Variants in NCAPD2 observed in about 807,000 individuals in gnomAD.
NCAPD2 encodes the protein non-SMC condensin I complex subunit D2.
NCAPD2 carries 100 observed loss-of-function variants against 164.5 expected under a neutral mutation model. The ratio of observed to expected loss-of-function variants is 0.61; its 90% CI spans 0.52 to 0.72. The LOEUF (loss-of-function observed/expected upper bound fraction) is 0.72, where lower values mean the gene tolerates loss of function less well. Among genes scored for constraint, NCAPD2 ranks in the 30% least tolerant of loss-of-function variants. The pLI is 0.00. For missense variants in NCAPD2, 1,560 were observed against 1,749.2 expected, an observed-to-expected ratio of 0.89 and a Z score of 1.93; for synonymous variants, 585 against 642.6, an observed-to-expected ratio of 0.91 and a Z score of 1.36.
chr12:6,512,189 G>A (rs1022527509), intron 6 of NCAPD2, among the ~76,000 whole-genome samples: 6 of 150,426 alleles, frequency 4.0e-5, no homozygotes, highest in East Asian at 2.0e-4. Context: ...GGAGAATGGC[G>A]TGAACCCGGG....
At chr12:6,503,220 T>C (rs1268035286) in intron 2 of NCAPD2, among the ~76,000 whole-genome samples, 1 of 152,080 alleles carries the variant, frequency 6.6e-6, no homozygotes, top group Non-Finnish European at 1.5e-5. Context: ...GAAGTGAATA[T>C]GTGATACAAG....
At chr12:6,529,137 T>C in intron 27 of NCAPD2, 98 bp downstream of exon 27, 1 of 1,106,402 alleles carries the variant, frequency 9.0e-7, no homozygotes. Context: ...ACTCTTTAGC[T>C]GTACAGCCTT....
intron 14 of NCAPD2, among the ~76,000 whole-genome samples, chr12:6,521,476 G>A (rs963785164): frequency 1.3e-5 from 2 of 152,186 alleles, no homozygotes; most frequent in East Asian, 3.9e-4. Flanking sequence ...GAGCCCAGGA[G>A]TTGAAAATCA....
rs141419478 is a variant in NCAPD2, at chr12:6,506,405, C to T, written c.128-3312C>T. On this transcript the variant is annotated intron_variant, in intron 2 of 31. Coordinates refer to ENST00000315579, the MANE Select transcript of NCAPD2 (RefSeq NM_014865.4). ...AGATCGAGACCATCCTGGCTAACAC[C>T]GTGAAACCCCGTCTCTACTAAAAAA... Among the ~76,000 whole-genome samples, 152 of 151,944 alleles carry T rather than the reference C, an allele frequency of 1.0e-3. 1 individual carries two copies. Among genetic ancestry groups the T allele is most frequent in the African/African-American group, 3.3e-3 (135 of 41,444 alleles).
At chr12:6,517,282 G>T in intron 10 of NCAPD2, 83 bp from the exon 11 acceptor site, 1 of 1,559,032 alleles carries the variant, frequency 6.4e-7, no homozygotes, top group Non-Finnish European at 8.7e-7. Context: ...GGGTAGCTCA[G>T]TTTAGAGTAT....
rs371444456 is a variant in NCAPD2, at chr12:6,528,796, C to T, written c.3417C>T (p.Ile1139=). Residue 1139 remains isoleucine (I), a synonymous_variant, in exon 26 of 32, where the codon ATC becomes ATT. Transcript: ENST00000315579. The surrounding 1 kb of genome is among the most constrained non-coding windows in gnomAD (Gnocchi z 5.1). The stretch of plus-strand genomic sequence containing the variant: ...TCAGCGAGATGGCGGTGCTGCTCAT[C>T]GACCCCGAGCCTCAGATTGCTGCCC... The part of the protein sequence containing the change: ...GQVSEMAVLL[I]DPEPQIAALA... The T allele has an allele frequency of 1.2e-5, 20 of 1,613,962 alleles. No homozygotes were observed. In the African/African-American group the frequency reaches 1.7e-4, roughly 14 times the overall value.
intron 17 of NCAPD2, among the ~76,000 whole-genome samples, chr12:6,523,787 T>C (rs1224283318): frequency 6.6e-6 from 1 of 152,226 alleles, no homozygotes; most frequent in African/African-American, 2.4e-5. Context: ...TTCCCAACTT[T>C]AAAGGAACCA....
chr12:6,521,777 T>C, intron 14 of NCAPD2, 21 bp from the exon 15 acceptor site: 3 of 1,612,866 alleles, frequency 1.9e-6, no homozygotes, highest in Non-Finnish European at 2.5e-6. Flanking sequence ...GAAACCATCC[T>C]GTACTTCTCT....
chr12:6,529,879 A>T lies in NCAPD2; in HGVS notation c.3758A>T (p.Lys1253Ile), dbSNP rs746660180. 1.9e-5 allele frequency: 30 copies of T among 1,614,132 alleles called. No individual in the cohort carries two copies. In the South Asian group the frequency reaches 2.5e-4, roughly 14 times the overall value. ...MLDNFDCFGD[K>I]LSDESIFSAF... Reference sequence around the variant, plus strand: ...GACAATTTTGACTGTTTTGGAGACAAACTGTCAGATGAGTCCATCTTCAGT... The same window carrying T: ...GACAATTTTGACTGTTTTGGAGACATACTGTCAGATGAGTCCATCTTCAGT... The change falls in exon 29 of 32, where the codon AAA becomes ATA. Residue 1253 changes from lysine to isoleucine, a missense_variant. Physicochemically the swap from Lys to Ile is moderately radical, Grantham distance 102. Coordinates refer to ENST00000315579, the MANE Select transcript of NCAPD2 (RefSeq NM_014865.4).
In NCAPD2 at chr12:6,531,307, T is replaced by A; in HGVS notation, c.4121-20T>A. On this transcript the variant is annotated intron_variant, in intron 31 of 31. Coordinates refer to ENST00000315579, the MANE Select transcript of NCAPD2 (RefSeq NM_014865.4). The surrounding 1 kb of genome is among the most constrained non-coding windows in gnomAD (Gnocchi z 4.1). ...TCTTTGTGACTCAGCTTTTTCTTATTCCTTTAATTCTTTGCATAGATCTTT... is the reference window on the plus strand; with the variant it reads ...TCTTTGTGACTCAGCTTTTTCTTATACCTTTAATTCTTTGCATAGATCTTT... The A allele has an allele frequency of 6.2e-7, 1 of 1,606,168 alleles. No individual in the cohort carries two copies. The highest frequency in any genetic ancestry group is 8.5e-7 in the Non-Finnish European group (1 of 1,176,166).
In NCAPD2 at chr12:6,528,840, A is replaced by G. The variant is rs199672478; in HGVS notation, c.3461A>G (p.Asn1154Ser). The G allele has an allele frequency of 1.9e-5, 30 of 1,613,648 alleles. No homozygotes were observed. The highest frequency in any genetic ancestry group is 1.6e-4 in the Middle Eastern group (1 of 6,062). Reference protein sequence around the residue: ...QIAALAKNFFNELSHKGNAIY... With the variant: ...QIAALAKNFFSELSHKGNAIY... ...GCTGCCCTGGCCAAGAACTTCTTCA[A>G]TGAGCTCTCCCACAAGGTGAGAGGC... is the stretch of plus-strand genomic sequence containing the variant. The change falls in exon 26 of 32, where the codon AAT becomes AGT. Residue 1154 changes from asparagine (N) to serine (S), a missense_variant. Asn to Ser is a conservative substitution (Grantham distance 46, BLOSUM62 1). Transcript: ENST00000315579. This position sits in a 1 kb window ranked among gnomAD's most constrained non-coding sequence, Gnocchi z 5.1.
chr12:6,528,619 A>G lies in NCAPD2; in HGVS notation c.3300-60A>G. 1 of 1,537,806 alleles carries G rather than the reference A, an allele frequency of 6.5e-7. No individual in the cohort carries two copies. The highest frequency in any genetic ancestry group is 8.9e-7 in the Non-Finnish European group (1 of 1,126,940). ...TTGATTCCTGCTGAGGGCCTTTTCT[A>G]CCAGTGTTAGGGTGTAGCCCGGAGG... On this transcript the variant is annotated intron_variant, in intron 25 of 31. Coordinates refer to ENST00000315579, the MANE Select transcript of NCAPD2 (RefSeq NM_014865.4). The surrounding 1 kb of genome is among the most constrained non-coding windows in gnomAD (Gnocchi z 5.1).
chr12:6,518,812 C>T (rs1447169570), intron 13 of NCAPD2, among the ~76,000 whole-genome samples: 2 of 151,788 alleles, frequency 1.3e-5, no homozygotes, highest in Non-Finnish European at 2.9e-5. Flanking sequence ...TGAGCCACCG[C>T]ACTCGGCTGC....
chr12:6,511,064 C>CA, intron 5 of NCAPD2, 46 bp from the exon 6 acceptor site: 1 of 1,602,556 alleles, frequency 6.2e-7, no homozygotes. Flanking sequence ...TCTTGACCCA[C>CA]TTTTTTCCCT....
In NCAPD2 at chr12:6,514,614, A is replaced by G. The variant is rs373852925; in HGVS notation, c.839+27A>G. ...TGACTCTTCCTTCTCGAAGTTTCTC[A>G]TGCTTATTTTCCTTGGGGAGGGAAT... is the stretch of plus-strand genomic sequence containing the variant. On this transcript the variant is annotated intron_variant, in intron 8 of 31. Coordinates refer to ENST00000315579, the MANE Select transcript of NCAPD2 (RefSeq NM_014865.4). 1.6e-5 allele frequency: 26 copies of G among 1,613,588 alleles called. No individual in the cohort carries two copies. In the African/African-American group the frequency reaches 3.1e-4, roughly 19 times the overall value.
Position 6,495,018 on chromosome 12 carries a change from C to A in NCAPD2, c.-23-58C>A. On this transcript the variant is annotated intron_variant, in intron 1 of 31. Transcript: ENST00000315579. ...GTTGGGGATGGGAAAGTAATAGAAC[C>A]AGATACGAAGACAGGTCTTGAATAT... The A allele has an allele frequency of 1.9e-6, 3 of 1,541,484 alleles. No homozygotes were observed. In the East Asian group the frequency reaches 6.8e-5, roughly 35 times the overall value.
chr12:6,499,389 G>T lies in NCAPD2; in HGVS notation c.127+4164G>T, dbSNP rs570670453. On this transcript the variant is annotated intron_variant, in intron 2 of 31. Transcript: ENST00000315579. ...ACCACGCCTGGCTAATTCTTGGGGG[G>T]TTTTTTTGTTGTTCTGGAGACGGAG... 1.5e-4 allele frequency among the ~76,000 whole-genome samples: 23 copies of T among 151,618 alleles called. 1 individual carries two copies. In the Middle Eastern group the frequency reaches 0.014, roughly 90 times the overall value.
At position 6,530,817 on chromosome 12, in the gene NCAPD2, G is replaced by A. The variant is rs200487459; in HGVS notation, c.3964G>A (p.Gly1322Ser). The change falls in exon 30 of 32, where the codon GGT becomes AGT. Residue 1322 changes from glycine to serine, a missense_variant and splice_region_variant. Coordinates refer to ENST00000315579, the MANE Select transcript of NCAPD2 (RefSeq NM_014865.4). ...GCCATCAGCCAAGAAACCATCCACT[G>A]GTACGTAAGGCAGCCTGTGCGGGCG... ...RAPSAKKPST[G>S]SRYQPLASTA... 3.7e-4 allele frequency: 590 copies of A among 1,614,164 alleles called. No individual in the cohort carries two copies. Among genetic ancestry groups the A allele is most frequent in the Non-Finnish European group, 2.6e-4 (310 of 1,180,036 alleles).
chr12:6,519,111 C>G (rs1018840622), intron 13 of NCAPD2, among the ~76,000 whole-genome samples: 3 of 151,766 alleles, frequency 2.0e-5, no homozygotes, highest in Non-Finnish European at 4.4e-5. Flanking sequence ...AGGATGGTCT[C>G]AATCTCCTGA....
Sources: allele counts gnomAD v4.1 joint callset (sites outside exome capture counted in the v4.1 genomes callset), GRCh38; gene constraint gnomAD v4.1.1; non-coding constraint Gnocchi (gnomAD v3.1); transcripts MANE v1.5; gene names NCBI Gene and HGNC (gene_info 2026-07-23, HGNC 2026-07-21).